C21orf58: variants seen among roughly 807,000 people sequenced by gnomAD.
C21orf58 encodes uncharacterized protein C21orf58.
C21orf58 carries 34 observed loss-of-function variants against 35.8 expected under a neutral mutation model. The ratio of observed to expected loss-of-function variants is 0.95; its 90% confidence interval spans 0.72 to 1.26. The LOEUF is 1.26. Ranked by LOEUF, C21orf58 falls within the 50% of genes most tolerant of loss-of-function variation. The pLI is 0.00. For missense variants in C21orf58, 440 were observed against 414.3 expected, an observed-to-expected ratio of 1.06 and a Z score of -0.54; for synonymous variants, 191 against 175.8, an observed-to-expected ratio of 1.09 and a Z score of -0.68.
intron 1 of C21orf58, among the ~76,000 whole-genome samples, chr21:46,320,293 G>A (rs1157290206): frequency 6.6e-6 from 1 of 151,924 alleles, no homozygotes; most frequent in Non-Finnish European, 1.5e-5. Flanking sequence ...GGTAGAGATG[G>A]GGTTTCACCA....
intron 5 of C21orf58, 35 bp downstream of exon 5, chr21:46,314,681 A>C (rs1300693633): frequency 6.5e-6 from 9 of 1,384,702 alleles, no homozygotes; most frequent in Non-Finnish European, 8.6e-6. Context: ...CCCGCCTCCC[A>C]CTCTCAGATG....
chr21:46,310,500 A>T lies in C21orf58; in HGVS notation c.721+956T>A, dbSNP rs561229709. Among the ~76,000 whole-genome samples, 1,006 of 151,246 alleles carry T rather than the reference A, an allele frequency of 6.7e-3. 17 individuals carry two copies. Among genetic ancestry groups the T allele is most frequent in the African/African-American group, 0.023 (954 of 41,204 alleles). Reference sequence around the variant, plus strand: ...CTCAGAACAAAAAAAATAAAAATAAAAAAAAAAAACAAAACTTGTCAAATT... The same window carrying T: ...CTCAGAACAAAAAAAATAAAAATAATAAAAAAAAACAAAACTTGTCAAATT... On this transcript the variant is annotated intron_variant, in intron 6 of 7. Transcript: ENST00000291691.
rs926546190 is a variant in C21orf58 at position 46,323,422 on chromosome 21, G to C, written c.-684C>G. 1.3e-5 allele frequency: 2 copies of C among 152,034 alleles called. No individual in the cohort carries two copies. The highest frequency in any genetic ancestry group is 2.4e-5 in the African/African-American group (1 of 41,386). 9.4% of individuals were successfully genotyped at this position (152,034 alleles called of 1,614,324 possible). On this transcript the variant is annotated 5_prime_UTR_variant, in exon 1 of 8. Coordinates refer to ENST00000291691, the MANE Select transcript of C21orf58 (RefSeq NM_058180.5). The stretch of plus-strand genomic sequence containing the variant: ...TTTTTTTTTGAGACCTAAGACATCA[G>C]TGAGACACACGAGCAGACACGGGCT...
Position 46,301,676 on chromosome 21 carries a change from G to A in C21orf58, c.*323C>T. The A allele has an allele frequency of 8.8e-7, 1 of 1,136,918 alleles. No individual in the cohort carries two copies. The highest frequency in any genetic ancestry group is 1.1e-6 in the Non-Finnish European group (1 of 927,318). 70.4% of individuals were successfully genotyped at this position (1,136,918 alleles called of 1,614,324 possible). On this transcript the variant is annotated 3_prime_UTR_variant, in exon 8 of 8. Transcript: ENST00000291691. Reference sequence around the variant, plus strand: ...CCTCAACTTTACCTCCGTGATGGAAGAGGGGGATCTGAGGCTCCCAGGTGG... The same window carrying A: ...CCTCAACTTTACCTCCGTGATGGAAAAGGGGGATCTGAGGCTCCCAGGTGG...
chr21:46,318,538 G>GT lies in C21orf58; in HGVS notation c.101-319dup, dbSNP rs2083058441. On this transcript the variant is annotated intron_variant, in intron 1 of 7. Transcript: ENST00000291691. ...CAGGACCCAGTCCAGAAGAACCTGT[G>GT]TGTCAGGGGAGGGCGCCCCACCTGT... 5 of 1,258,542 alleles carry GT rather than the reference G, an allele frequency of 4.0e-6. No homozygotes were observed. The South Asian group carries it at 7.0e-5, about 18-fold the overall frequency. The allele number at this position is 1,258,542 out of a possible 1,614,324, so 78.0% of individuals were successfully genotyped here.
intron 3 of C21orf58, among the ~76,000 whole-genome samples, chr21:46,316,510 C>T (rs1376285305): frequency 6.6e-6 from 1 of 152,158 alleles, no homozygotes; most frequent in Non-Finnish European, 1.5e-5. Flanking sequence ...CAAGAGAAGG[C>T]TCCGGAAGGT....
intron 6 of C21orf58, among the ~76,000 whole-genome samples, chr21:46,303,708 AATATATATATAT>A (rs1356861977): frequency 1.6e-4 from 6 of 37,286 alleles, no homozygotes; most frequent in Non-Finnish European, 2.3e-4. Flanking sequence ...ACACACACAA[AATATATATATAT>A]ATATATATAT....
intron 1 of C21orf58, 146 bp downstream of exon 1, chr21:46,322,492 GA>G: frequency 7.9e-7 from 1 of 1,273,768 alleles, no homozygotes; most frequent in Non-Finnish European, 9.9e-7. Context: ...TCTGTTCCTG[GA>G]AAGTGTGATC....
chr21:46,319,457 T>C (rs1483499855), intron 1 of C21orf58, among the ~76,000 whole-genome samples: 3 of 152,200 alleles, frequency 2.0e-5, no homozygotes, highest in Non-Finnish European at 4.4e-5. Context: ...GAGCAGACTC[T>C]GGCCCCATGT....
At chr21:46,317,926 G>T in intron 2 of C21orf58, 86 bp downstream of exon 2, 1 of 1,439,668 alleles carries the variant, frequency 6.9e-7, no homozygotes, top group Non-Finnish European at 9.5e-7. Flanking sequence ...CCTGCATTCT[G>T]CACCTGCAGG....
intron 4 of C21orf58, 131 bp from the exon 5 acceptor site, chr21:46,315,011 G>A (rs2082918609): frequency 6.5e-7 from 1 of 1,548,770 alleles, no homozygotes; most frequent in African/African-American, 1.4e-5. Context: ...GGCCATGACT[G>A]GAAGACCCTT....
At chr21:46,319,550 T>A (rs1476362323) in intron 1 of C21orf58, among the ~76,000 whole-genome samples, 1 of 152,056 alleles carries the variant, frequency 6.6e-6, no homozygotes, top group Non-Finnish European at 1.5e-5. Context: ...ATCACTTGAG[T>A]CCACGAGTTG....
At chr21:46,314,011 C>A (rs1185069503) in intron 5 of C21orf58, among the ~76,000 whole-genome samples, 1 of 152,198 alleles carries the variant, frequency 6.6e-6, no homozygotes, top group East Asian at 1.9e-4. Flanking sequence ...GAGTTGTTTT[C>A]TGCTGCCTGC....
rs1054555636 is a variant in C21orf58 at position 46,311,355 on chromosome 21, G to T, written c.721+101C>A. On this transcript the variant is annotated intron_variant, in intron 6 of 7. Transcript: ENST00000291691. Reference sequence around the variant, plus strand: ...GTTAAAATTATTTTCATGTTGAACAGCCAAAAGCTGGCCCTAAGTGACTGT... The same window carrying T: ...GTTAAAATTATTTTCATGTTGAACATCCAAAAGCTGGCCCTAAGTGACTGT... 3.8e-6 allele frequency: 2 copies of T among 529,332 alleles called. 1 individual carries two copies. Among genetic ancestry groups the T allele is most frequent in the Non-Finnish European group, 6.6e-6 (2 of 303,000 alleles). The allele number at this position is 529,332 out of a possible 1,614,324, so 32.8% of individuals were successfully genotyped here.
intron 1 of C21orf58, chr21:46,318,932 G>A (rs2083071766): frequency 6.0e-6 from 5 of 837,524 alleles, no homozygotes; most frequent in Non-Finnish European, 7.2e-6. Context: ...AGACTGACAT[G>A]TGGGGGATGT....
intron 7 of C21orf58, 144 bp downstream of exon 7, chr21:46,302,341 G>T (rs552143988): frequency 9.0e-7 from 1 of 1,106,394 alleles, no homozygotes; most frequent in Non-Finnish European, 1.3e-6. Context: ...GCTGGGACTC[G>T]ATGGGGATGG....
intron 6 of C21orf58, among the ~76,000 whole-genome samples, chr21:46,310,180 T>C (rs982487070): frequency 4.6e-5 from 7 of 151,936 alleles, no homozygotes; most frequent in African/African-American, 9.7e-5. Flanking sequence ...TATATGTATA[T>C]GTTAAAACTT....
intron 1 of C21orf58, 183 bp from the exon 2 acceptor site, chr21:46,318,403 C>T (rs1056760547): frequency 1.9e-5 from 27 of 1,432,858 alleles, no homozygotes; most frequent in Middle Eastern, 5.1e-4. Flanking sequence ...CCAGGTGTGG[C>T]CAGCTGGGCT....
chr21:46,314,131 GT>G (rs140166854), intron 5 of C21orf58, among the ~76,000 whole-genome samples: 2 of 145,030 alleles, frequency 1.4e-5, no homozygotes, highest in East Asian at 2.0e-4. Flanking sequence ...GCATGATAAA[GT>G]TTTTTTTTTG....
Sources: gnomAD v4.1 joint callset for allele counts (sites outside exome capture counted in the v4.1 genomes callset) on GRCh38, gnomAD v4.1.1 for gene constraint, MANE v1.5 for transcripts, NCBI Gene and HGNC (gene_info 2026-07-23, HGNC 2026-07-21) for gene names.